GCLM: variants seen among roughly 807,000 people sequenced by gnomAD.
GCLM encodes the protein glutamate-cysteine ligase modifier subunit.
A neutral mutation model predicts 36.0 loss-of-function variants in GCLM; 15 were observed. The observed-to-expected ratio is 0.42, with a 90% CI of 0.28 to 0.64. The LOEUF (loss-of-function observed/expected upper bound fraction) is 0.64. Ranked by LOEUF, GCLM falls within the 30% of genes least tolerant of loss-of-function variation. GCLM has a pLI of 0.25. For missense variants in GCLM, 242 were observed against 325.5 expected (o/e 0.74, Z 1.97); for synonymous variants, 129 against 122.8 (o/e 1.05, Z -0.34).
chr1:93,897,911 G>A lies in GCLM; in HGVS notation c.278-13C>T. On this transcript the variant is annotated splice_polypyrimidine_tract_variant and intron_variant, in intron 3 of 6. Transcript: ENST00000370238. Reference sequence around the variant, plus strand: ...ATGAACAGTTTTGCTGGGTAACAAAGAAAACAAAACTGATTACTACATTTG... The same window carrying A: ...ATGAACAGTTTTGCTGGGTAACAAAAAAAACAAAACTGATTACTACATTTG... The A allele has an allele frequency of 6.7e-7, 1 of 1,499,980 alleles. No homozygotes were observed. The highest frequency in any genetic ancestry group is 1.3e-5 in the South Asian group (1 of 75,608). The allele number at this position is 1,499,980 out of a possible 1,614,324, so 92.9% of individuals were successfully genotyped here.
At chr1:93,898,919 AATAGTC>A (rs1206866783) in intron 3 of GCLM, among the ~76,000 whole-genome samples, 14 of 152,184 alleles carry the variant, frequency 9.2e-5, no homozygotes, top group African/African-American at 3.1e-4. Context: ...TTTTTATCCT[AATAGTC>A]ATGTGCTTAC....
chr1:93,909,350 G>A lies in GCLM; in HGVS notation c.-187C>T. The A allele has an allele frequency of 9.8e-7, 1 of 1,021,174 alleles. No homozygotes were observed. The highest frequency in any genetic ancestry group is 4.6e-5 in the South Asian group (1 of 21,720). 63.3% of individuals were successfully genotyped at this position (1,021,174 alleles called of 1,614,324 possible). On this transcript the variant is annotated 5_prime_UTR_variant, in exon 1 of 7. Coordinates refer to ENST00000370238, the MANE Select transcript of GCLM (RefSeq NM_002061.4). The stretch of plus-strand genomic sequence containing the variant: ...GAGGGAGGCCGGACGGCGGCTGGGC[G>A]GCGGCGGGAAAGGAAGGCACCGGTG...
At chr1:93,901,787 C>A in intron 2 of GCLM, 118 bp from the exon 3 acceptor site, 2 of 614,508 alleles carry the variant, frequency 3.3e-6, no homozygotes, top group South Asian at 2.3e-5. Flanking sequence ...CAACAGAGTT[C>A]TCTACCTGAG....
At chr1:93,900,937 T>G (rs1430664020) in intron 3 of GCLM, among the ~76,000 whole-genome samples, 1 of 152,116 alleles carries the variant, frequency 6.6e-6, no homozygotes, top group Admixed American at 6.5e-5. Flanking sequence ...AAACTGAGAC[T>G]CAGGGAGGTT....
intron 6 of GCLM, among the ~76,000 whole-genome samples, chr1:93,889,712 C>A (rs1656463858): frequency 2.0e-5 from 3 of 151,444 alleles, no homozygotes; most frequent in Admixed American, 2.0e-4. Flanking sequence ...ATTTGCTTAT[C>A]TTTTTCCACT....
intron 1 of GCLM, among the ~76,000 whole-genome samples, chr1:93,908,478 T>A (rs1657230152): frequency 6.6e-6 from 1 of 150,912 alleles, no homozygotes; most frequent in South Asian, 2.1e-4. Flanking sequence ...GACGCACAGA[T>A]AAGTGCATAA....
At position 93,896,610 on chromosome 1, in the gene GCLM, T is replaced by A; in HGVS notation, c.540+8A>T. The A allele has an allele frequency of 6.2e-7, 1 of 1,608,716 alleles. No homozygotes were observed. Among genetic ancestry groups the A allele is most frequent in the Non-Finnish European group, 8.5e-7 (1 of 1,175,064 alleles). ...TCCTGGAGTGCTCATGATCCTGCCA[T>A]CCCTCACCTGTGCCCACTGATACAG... On this transcript the variant is annotated splice_region_variant and intron_variant, in intron 5 of 6. Transcript: ENST00000370238.
At chr1:93,895,954 T>C (rs1656712427) in intron 5 of GCLM, among the ~76,000 whole-genome samples, 2 of 139,632 alleles carry the variant, frequency 1.4e-5, no homozygotes, top group South Asian at 4.3e-4. Flanking sequence ...AAAAAGAAGG[T>C]TTTTCTTTCT....
At chr1:93,903,451 C>T (rs1328245104) in intron 2 of GCLM, among the ~76,000 whole-genome samples, 3 of 150,224 alleles carry the variant, frequency 2.0e-5, no homozygotes, top group African/African-American at 7.3e-5. Flanking sequence ...GCTGGGATTA[C>T]AGGCGGGTAC....
intron 3 of GCLM, among the ~76,000 whole-genome samples, chr1:93,899,055 C>T (rs1656851370): frequency 6.6e-6 from 1 of 151,882 alleles, no homozygotes. Flanking sequence ...TAGGGGTGGC[C>T]TTGAACGTAT....
At chr1:93,890,971 G>A (rs554855224) in intron 6 of GCLM, among the ~76,000 whole-genome samples, 1 of 151,634 alleles carries the variant, frequency 6.6e-6, no homozygotes, top group Admixed American at 6.6e-5. Context: ...CAAACTTCTG[G>A]GCTCAATGCA....
intron 3 of GCLM, among the ~76,000 whole-genome samples, chr1:93,900,015 T>TTC (rs1417291554): frequency 6.6e-6 from 1 of 151,918 alleles, no homozygotes; most frequent in African/African-American, 2.4e-5. Context: ...AGTGCTGACA[T>TTC]TCGATATATG....
intron 2 of GCLM, among the ~76,000 whole-genome samples, chr1:93,903,188 G>C (rs575684897): frequency 6.6e-6 from 1 of 152,084 alleles, no homozygotes; most frequent in South Asian, 2.1e-4. Context: ...GTCTGTGTGT[G>C]GAAATAAGTT....
chr1:93,897,661 A>G (rs1656781171), intron 4 of GCLM, among the ~76,000 whole-genome samples, 178 bp downstream of exon 4: 1 of 152,160 alleles, frequency 6.6e-6, no homozygotes, highest in South Asian at 2.1e-4. Flanking sequence ...TCAAAATATG[A>G]CCCTACATAA....
chr1:93,892,840 G>GGGTACA (rs1382838482), intron 6 of GCLM, among the ~76,000 whole-genome samples: 1 of 151,970 alleles, frequency 6.6e-6, no homozygotes, highest in Non-Finnish European at 1.5e-5. Flanking sequence ...AGCTAGAAGA[G>GGGTACA]GGTACAGGCT....
chr1:93,896,556 T>C, intron 5 of GCLM, 62 bp downstream of exon 5: 1 of 1,295,300 alleles, frequency 7.7e-7, no homozygotes, highest in Non-Finnish European at 1.1e-6. Flanking sequence ...CTCAACAGTG[T>C]GCAGCAAAGA....
intron 3 of GCLM, among the ~76,000 whole-genome samples, chr1:93,901,237 G>C (rs1230906281): frequency 1.3e-5 from 2 of 152,184 alleles, no homozygotes; most frequent in East Asian, 3.9e-4. Flanking sequence ...TACCAGGAAG[G>C]GGGTGCTTAT....
chr1:93,907,913 T>C (rs1314951738), intron 1 of GCLM, among the ~76,000 whole-genome samples: 1 of 152,128 alleles, frequency 6.6e-6, no homozygotes, highest in African/African-American at 2.4e-5. Flanking sequence ...CAACATCTCA[T>C]AGAAGAGAGC....
chr1:93,889,643 ATGTG>A lies in GCLM; in HGVS notation c.656-488_656-485del, dbSNP rs376729045. ...ATATATCTCTAGATCTTATATCTGT[ATGTG>A]TGTGTGTATATCCATATCTTACAAA... On this transcript the variant is annotated intron_variant, in intron 6 of 6. Transcript: ENST00000370238. Among the ~76,000 whole-genome samples, 19 of 151,616 alleles carry A rather than the reference ATGTG, an allele frequency of 1.3e-4. No individual in the cohort carries two copies. In the East Asian group the frequency reaches 3.7e-3, roughly 29 times the overall value.
Sources: allele counts gnomAD v4.1 joint callset (sites outside exome capture counted in the v4.1 genomes callset), GRCh38; gene constraint gnomAD v4.1.1; transcripts MANE v1.5; gene names NCBI Gene and HGNC (gene_info 2026-07-23, HGNC 2026-07-21).